SYT1: variants seen among roughly 807,000 people sequenced by gnomAD.
SYT1 encodes synaptotagmin-1.
In SYT1, 8 loss-of-function variants were observed where a neutral mutation model predicts 44.8. The observed-to-expected ratio is 0.18, with a 90% confidence interval of 0.10 to 0.32. The LOEUF (loss-of-function observed/expected upper bound fraction) is 0.32, where lower values mean the gene tolerates loss of function less well. SYT1 is among the 10% of genes least tolerant of loss of function. The pLI, the probability that SYT1 is intolerant of heterozygous loss-of-function variation, is 1.00. For synonymous variants in SYT1, 154 were observed against 188.8 expected (o/e 0.82, Z 1.51); for missense variants, 286 against 509.3 (o/e 0.56, Z 4.22).
chr12:79,013,141 A>G (rs1259514512), intron 2 of SYT1, among the ~76,000 whole-genome samples: 1 of 152,188 alleles, frequency 6.6e-6, no homozygotes, highest in Non-Finnish European at 1.5e-5. Flanking sequence ...TCTATCTTGT[A>G]GAGTGCACTT....
At position 79,037,526 on chromosome 12, in the gene SYT1, A is replaced by G. The variant is rs1592685510; in HGVS notation, c.-83-9771A>G. On this transcript the variant is annotated intron_variant, in intron 2 of 10. Coordinates refer to ENST00000261205, the MANE Select transcript of SYT1 (RefSeq NM_005639.3). ...TCCCTGCCCCCTTTCCCTTTTTAAAATCTTTGTTACTAAACATTTGTTCTG... is the reference window on the plus strand; with the variant it reads ...TCCCTGCCCCCTTTCCCTTTTTAAAGTCTTTGTTACTAAACATTTGTTCTG... Among the ~76,000 whole-genome samples, 3 of 151,824 alleles carry G rather than the reference A, an allele frequency of 2.0e-5. No homozygotes were observed. In the East Asian group the frequency reaches 5.8e-4, roughly 30 times the overall value.
chr12:79,321,758 G>T (rs1422608196), intron 8 of SYT1, among the ~76,000 whole-genome samples: 1 of 152,288 alleles, frequency 6.6e-6, no homozygotes, highest in East Asian at 1.9e-4. Context: ...AGTACACAAG[G>T]ACAAGGACCA....
intron 4 of SYT1, among the ~76,000 whole-genome samples, chr12:79,268,684 G>C (rs529491274): frequency 2.4e-4 from 37 of 152,244 alleles, no homozygotes; most frequent in African/African-American, 8.9e-4. Flanking sequence ...AACACAAATT[G>C]AAAAGAGAAA....
At chr12:79,325,919 C>G (rs369554698) in intron 8 of SYT1, among the ~76,000 whole-genome samples, 19 of 152,220 alleles carry the variant, frequency 1.2e-4, no homozygotes, top group African/African-American at 4.1e-4. Context: ...TTTCCTTCTT[C>G]CAGGCTCTTG....
At chr12:79,395,370 G>GA (rs1191827116) in intron 9 of SYT1, among the ~76,000 whole-genome samples, 1 of 151,654 alleles carries the variant, frequency 6.6e-6, no homozygotes, top group African/African-American at 2.4e-5. Flanking sequence ...AGGGGCCCAC[G>GA]ACCACGCCCA....
intron 1 of SYT1, among the ~76,000 whole-genome samples, chr12:78,866,234 A>G (rs1045951847): frequency 6.6e-6 from 1 of 152,198 alleles, no homozygotes; most frequent in African/African-American, 2.4e-5. Context: ...CTGGATACCA[A>G]ACTTATGCCT....
At chr12:79,377,957 TC>T (rs1008519644) in intron 9 of SYT1, among the ~76,000 whole-genome samples, 1 of 152,226 alleles carries the variant, frequency 6.6e-6, no homozygotes, top group African/African-American at 2.4e-5. Context: ...CATGGAATAG[TC>T]CCTTTTTCAT....
intron 1 of SYT1, among the ~76,000 whole-genome samples, chr12:78,904,069 C>G (rs1200647405): frequency 6.6e-6 from 1 of 151,936 alleles, no homozygotes; most frequent in African/African-American, 2.4e-5. Flanking sequence ...TATATCATAA[C>G]AGTTATTAGA....
chr12:79,023,916 T>C (rs1340786184), intron 2 of SYT1, among the ~76,000 whole-genome samples: 1 of 151,422 alleles, frequency 6.6e-6, no homozygotes, highest in Non-Finnish European at 1.5e-5. Context: ...TTCCTAAGAA[T>C]AAGCACATTT....
chr12:79,158,514 GC>G (rs1383777654), intron 3 of SYT1, among the ~76,000 whole-genome samples: 1 of 152,104 alleles, frequency 6.6e-6, no homozygotes, highest in Non-Finnish European at 1.5e-5. Flanking sequence ...CTGGTCCATG[GC>G]CTGTAGTTTG....
At chr12:79,118,466 C>G (rs1411202513) in intron 3 of SYT1, among the ~76,000 whole-genome samples, 1 of 152,132 alleles carries the variant, frequency 6.6e-6, no homozygotes, top group Non-Finnish European at 1.5e-5. Context: ...TTTTCTTGTG[C>G]TAATCTTGAT....
intron 9 of SYT1, among the ~76,000 whole-genome samples, chr12:79,391,109 C>T (rs1884639504): frequency 6.6e-6 from 1 of 152,174 alleles, no homozygotes; most frequent in African/African-American, 2.4e-5. Flanking sequence ...AATTGTGTCA[C>T]TACTTTTAAG....
At chr12:79,384,047 A>C (rs1884330945) in intron 9 of SYT1, among the ~76,000 whole-genome samples, 1 of 152,216 alleles carries the variant, frequency 6.6e-6, no homozygotes, top group Admixed American at 6.5e-5. Context: ...TATTGAGAGT[A>C]GGCTGAGAGG....
chr12:78,898,628 G>C (rs968197329), intron 1 of SYT1, among the ~76,000 whole-genome samples: 9 of 151,954 alleles, frequency 5.9e-5, no homozygotes, highest in Non-Finnish European at 1.3e-4. Flanking sequence ...TTTCCCCTAG[G>C]ACTGCATTGC....
chr12:78,874,003 T>C (rs1873943107), intron 1 of SYT1, among the ~76,000 whole-genome samples: 1 of 151,592 alleles, frequency 6.6e-6, no homozygotes, highest in Non-Finnish European at 1.5e-5. Flanking sequence ...GAATACAAAA[T>C]TATATGAAAC....
At chr12:79,110,806 C>T (rs1230055346) in intron 3 of SYT1, among the ~76,000 whole-genome samples, 3 of 152,144 alleles carry the variant, frequency 2.0e-5, no homozygotes, top group Non-Finnish European at 2.9e-5. Context: ...TAAAGGCTAA[C>T]ATTTGTTGAA....
intron 2 of SYT1, among the ~76,000 whole-genome samples, chr12:78,989,384 T>C (rs1457269036): frequency 6.6e-6 from 1 of 152,148 alleles, no homozygotes; most frequent in African/African-American, 2.4e-5. Flanking sequence ...TATATCTGTT[T>C]ATTAAATCCA....
chr12:78,982,351 G>T (rs899613854), intron 2 of SYT1, among the ~76,000 whole-genome samples: 1 of 152,094 alleles, frequency 6.6e-6, no homozygotes, highest in East Asian at 1.9e-4. Context: ...AGTACAGAAG[G>T]TCATCATGTA....
Position 79,037,565 on chromosome 12 carries a change from G to A in SYT1, c.-83-9732G>A, listed in dbSNP as rs144915918. Among the ~76,000 whole-genome samples, 528 of 151,708 alleles carry A rather than the reference G, an allele frequency of 3.5e-3. 3 individuals are homozygous for A. Among genetic ancestry groups the A allele is most frequent in the Non-Finnish European group, 6.0e-3 (405 of 67,790 alleles). ...ACATTTGTTCTGTCATAATGAGAGC[G>A]GGCTTGTAGACTTATGCCTCTTACA... On this transcript the variant is annotated intron_variant, in intron 2 of 10. Transcript: ENST00000261205.
Sources: gnomAD v4.1 joint callset for allele counts (sites outside exome capture counted in the v4.1 genomes callset) on GRCh38, gnomAD v4.1.1 for gene constraint, MANE v1.5 for transcripts, NCBI Gene and HGNC (gene_info 2026-07-23, HGNC 2026-07-21) for gene names.